NMNAT3: variants seen among roughly 807,000 people sequenced by gnomAD.
NMNAT3 encodes nicotinamide/nicotinic acid mononucleotide adenylyltransferase 3.
Under a neutral mutation model 24.8 loss-of-function variants are expected in NMNAT3, and 21 were observed. The observed-to-expected ratio is 0.85, with a 90% CI of 0.60 to 1.22. The LOEUF is 1.22. Among genes scored for constraint, NMNAT3 ranks in the 50% most tolerant of loss-of-function variants. NMNAT3 has a pLI of 0.00. For missense variants in NMNAT3, 387 were observed against 436.6 expected (o/e 0.89, Z 1.01); for synonymous variants, 136 against 155.2 (o/e 0.88, Z 0.92).
chr3:139,565,570 T>G (rs943714035), intron 6 of NMNAT3: 1 of 151,730 alleles, frequency 6.6e-6, no homozygotes, highest in Non-Finnish European at 1.5e-5. Context: ...TGTCCATGTG[T>G]TCTCATTGTT....
At chr3:139,621,270 CT>C (rs2055759378) in intron 3 of NMNAT3, among the ~76,000 whole-genome samples, 1 of 152,170 alleles carries the variant, frequency 6.6e-6, no homozygotes, top group African/African-American at 2.4e-5. Flanking sequence ...CTGCATTTCC[CT>C]AATGCTATTG....
intron 1 of NMNAT3, among the ~76,000 whole-genome samples, chr3:139,655,191 G>C (rs912143720): frequency 3.9e-5 from 6 of 152,230 alleles, no homozygotes; most frequent in Non-Finnish European, 8.8e-5. Flanking sequence ...GAGTGGCTAA[G>C]GTGCATGGGA....
chr3:139,631,257 T>A (rs1054650019), intron 2 of NMNAT3, among the ~76,000 whole-genome samples: 19 of 152,108 alleles, frequency 1.2e-4, no homozygotes, highest in Admixed American at 1.2e-3. Flanking sequence ...ACCTGTACCA[T>A]GTGTACACTC....
At chr3:139,605,358 A>G (rs999283678) in intron 3 of NMNAT3, among the ~76,000 whole-genome samples, 1 of 152,078 alleles carries the variant, frequency 6.6e-6, no homozygotes, top group African/African-American at 2.4e-5. Context: ...ATTTTTTTTT[A>G]TGTTGGGCTC....
intron 6 of NMNAT3, chr3:139,565,981 G>A (rs1178315748): frequency 6.6e-6 from 1 of 152,204 alleles, no homozygotes; most frequent in African/African-American, 2.4e-5. Flanking sequence ...TCCCACCAAA[G>A]TGTAAAATTC....
chr3:139,586,522 T>C (rs1051900200), intron 3 of NMNAT3, among the ~76,000 whole-genome samples: 4 of 152,128 alleles, frequency 2.6e-5, no homozygotes, highest in African/African-American at 9.7e-5. Flanking sequence ...GCCCAGGCTC[T>C]CCTTCCTGAG....
chr3:139,604,748 G>T (rs972147069), intron 3 of NMNAT3, among the ~76,000 whole-genome samples: 3 of 152,254 alleles, frequency 2.0e-5, no homozygotes, highest in African/African-American at 7.2e-5. Flanking sequence ...ATATCATCTT[G>T]CATGAAGTAA....
At chr3:139,662,982 C>T (rs1038552496) in intron 1 of NMNAT3, among the ~76,000 whole-genome samples, 2 of 152,196 alleles carry the variant, frequency 1.3e-5, no homozygotes, top group East Asian at 1.9e-4. Flanking sequence ...CAGGTGTATT[C>T]GTTTCCTATT....
intron 3 of NMNAT3, among the ~76,000 whole-genome samples, chr3:139,622,065 A>T (rs1050233886): frequency 6.6e-6 from 1 of 152,048 alleles, no homozygotes; most frequent in African/African-American, 2.4e-5. Flanking sequence ...TATCCCTTTT[A>T]TATATTGATT....
At chr3:139,677,549 G>C (rs891326828) in intron 1 of NMNAT3, among the ~76,000 whole-genome samples, 156 bp downstream of exon 1, 4 of 152,202 alleles carry the variant, frequency 2.6e-5, no homozygotes, top group Admixed American at 1.3e-4. Flanking sequence ...TGTCCCCCCG[G>C]TTCGCGCCAC....
chr3:139,616,140 A>G (rs1341610999), intron 3 of NMNAT3, among the ~76,000 whole-genome samples: 2 of 152,052 alleles, frequency 1.3e-5, no homozygotes, highest in African/African-American at 2.4e-5. Context: ...ATTCTCCTAG[A>G]TATCACCAAC....
At chr3:139,658,715 T>A (rs528724267) in intron 1 of NMNAT3, among the ~76,000 whole-genome samples, 17 of 152,366 alleles carry the variant, frequency 1.1e-4, no homozygotes, top group Non-Finnish European at 2.2e-4. Context: ...GCATACTTAT[T>A]TCTATACACT....
At chr3:139,618,348 T>C (rs1032116482) in intron 3 of NMNAT3, among the ~76,000 whole-genome samples, 7 of 152,212 alleles carry the variant, frequency 4.6e-5, no homozygotes, top group African/African-American at 1.7e-4. Context: ...GGACTAAAGA[T>C]AGTTAAAAGT....
At position 139,628,553 on chromosome 3, in the gene NMNAT3, T is replaced by C. The variant is rs1391868557; in HGVS notation, c.-40-789A>G. Reference sequence around the variant, plus strand: ...GCAGACTGTATTCTGATCTCACCTATTGTCCTTTATCTGGGGCCCAAGCAT... The same window carrying C: ...GCAGACTGTATTCTGATCTCACCTACTGTCCTTTATCTGGGGCCCAAGCAT... On this transcript the variant is annotated intron_variant, in intron 2 of 6. Transcript: ENST00000643695. Among the ~76,000 whole-genome samples, 3 of 152,234 alleles carry C rather than the reference T, an allele frequency of 2.0e-5. No individual in the cohort carries two copies. In the East Asian group the frequency reaches 5.8e-4, roughly 29 times the overall value.
At position 139,591,785 on chromosome 3, in the gene NMNAT3, A is replaced by C. The variant is rs925209262; in HGVS notation, c.110-8577T>G. ...TGTCTGTTAGAAGGAAAACTAACAA[A>C]CAGAAAGGACATCCACACCAAAAAC... On this transcript the variant is annotated intron_variant, in intron 3 of 6. Coordinates refer to ENST00000643695, the MANE Select transcript of NMNAT3 (RefSeq NM_001320510.2). Among the ~76,000 whole-genome samples the C allele has an allele frequency of 5.2e-5, 8 of 152,392 alleles. No homozygotes were observed. The East Asian group carries it at 9.6e-4, about 18-fold the overall frequency.
intron 6 of NMNAT3, chr3:139,567,272 G>A (rs1162609122): frequency 1.3e-5 from 2 of 151,526 alleles, no homozygotes; most frequent in African/African-American, 4.8e-5. Context: ...GAGACGATGG[G>A]GTTTTCTAGA....
intron 5 of NMNAT3, among the ~76,000 whole-genome samples, chr3:139,575,388 G>A (rs557158146): frequency 6.6e-6 from 1 of 152,226 alleles, no homozygotes; most frequent in African/African-American, 2.4e-5. Flanking sequence ...AGTAGATTGA[G>A]TCTCACCTCC....
At chr3:139,571,802 C>A (rs991000648) in intron 6 of NMNAT3, among the ~76,000 whole-genome samples, 2 of 152,034 alleles carry the variant, frequency 1.3e-5, no homozygotes, top group South Asian at 2.1e-4. Context: ...GGAGGGGAGG[C>A]CAGGCAAAAA....
intron 2 of NMNAT3, chr3:139,635,711 C>G (rs2056474476): frequency 6.6e-6 from 1 of 152,236 alleles, no homozygotes; most frequent in South Asian, 2.1e-4. Context: ...GAACAAGCAT[C>G]AAGGACCTCT....
Sources: gnomAD v4.1 joint callset for allele counts (sites outside exome capture counted in the v4.1 genomes callset) on GRCh38, gnomAD v4.1.1 for gene constraint, MANE v1.5 for transcripts, NCBI Gene and HGNC (gene_info 2026-07-23, HGNC 2026-07-21) for gene names.